TRIM49C: variants seen among roughly 807,000 people sequenced by gnomAD.
TRIM49C encodes the protein tripartite motif containing 49C.
A neutral mutation model predicts 21.4 loss-of-function variants in TRIM49C; 6 were observed. The ratio of observed to expected loss-of-function variants is 0.28; its 90% CI spans 0.15 to 0.55. TRIM49C has a LOEUF of 0.55. Among genes scored for constraint, TRIM49C ranks in the 20% least tolerant of loss-of-function variants. TRIM49C has a pLI of 0.94. For missense variants in TRIM49C, 161 were observed against 442.4 expected (o/e 0.36, Z 5.71); for synonymous variants, 57 against 148.1 (o/e 0.38, Z 4.47).
rs1341187422 is a variant in TRIM49C at position 90,041,392 on chromosome 11, T to C, written c.1201T>C (p.Tyr401His). The C allele has an allele frequency of 6.3e-7, 1 of 1,586,652 alleles. No homozygotes were observed. Among genetic ancestry groups the C allele is most frequent in the Non-Finnish European group, 8.6e-7 (1 of 1,163,510 alleles). ...TACCACCTCCCCACTTATGCTGCAA[T>C]ATATCCCAAAACCTACCAGCCGAGT... ...LFTTSPLMLQ[Y>H]IPKPTSRVGL... The change falls in exon 8 of 8, where the codon TAT becomes CAT. Residue 401 changes from tyrosine (Y) to histidine (H), a missense_variant. Coordinates refer to ENST00000448984, the MANE Select transcript of TRIM49C (RefSeq NM_001195234.1).
intron 7 of TRIM49C, among the ~76,000 whole-genome samples, chr11:90,040,849 C>CGA (rs1950762054): frequency 7.5e-6 from 1 of 132,564 alleles, no homozygotes; most frequent in African/African-American, 2.7e-5. Flanking sequence ...TGTAAGTTTT[C>CGA]AAAAAAAAAA....
chr11:90,056,149 A>T, the TRIM49C span, among the ~76,000 whole-genome samples: 2 of 134,834 alleles, frequency 1.5e-5, no homozygotes, highest in African/African-American at 2.6e-5. Flanking sequence ...TTTAGTAGAG[A>T]CGGGGTTTCA....
At chr11:90,054,447 CAG>C in the TRIM49C span, among the ~76,000 whole-genome samples, 3 of 137,696 alleles carry the variant, frequency 2.2e-5, 1 homozygote, top group South Asian at 7.4e-4. Context: ...TTCACTGAGG[CAG>C]AGTCTCACTC....
At chr11:90,052,038 G>A in the TRIM49C span, 6 of 670,078 alleles carry the variant, frequency 9.0e-6, no homozygotes, top group Non-Finnish European at 9.1e-6. Context: ...CCTTGCTGAG[G>A]CGGACCCGGG....
At chr11:90,056,475 C>T in the TRIM49C span, among the ~76,000 whole-genome samples, 1 of 95,748 alleles carries the variant, frequency 1.0e-5, no homozygotes, top group Non-Finnish European at 2.1e-5. Flanking sequence ...TTGAAATCAA[C>T]CCTATAAAAA....
At chr11:90,066,756 A>C in the TRIM49C span, among the ~76,000 whole-genome samples, 119 of 131,614 alleles carry the variant, frequency 9.0e-4, 4 homozygotes, top group East Asian at 0.028. Context: ...TTATTTACAC[A>C]ATAATAATAA....
intron 4 of TRIM49C, among the ~76,000 whole-genome samples, chr11:90,036,578 TA>T (rs1950728814): frequency 7.5e-6 from 1 of 133,272 alleles, no homozygotes; most frequent in African/African-American, 2.7e-5. Context: ...AACTAGTATC[TA>T]AACATAAGGA....
chr11:90,067,440 T>A, the TRIM49C span, among the ~76,000 whole-genome samples: 1 of 148,122 alleles, frequency 6.8e-6, no homozygotes, highest in Non-Finnish European at 1.5e-5. Flanking sequence ...TAAAATACAC[T>A]ATCACTATGG....
chr11:90,070,798 C>G, the TRIM49C span, among the ~76,000 whole-genome samples: 29 of 141,558 alleles, frequency 2.0e-4, no homozygotes, highest in African/African-American at 6.8e-4. Context: ...TTCTTTGATT[C>G]TTTGTTTGTT....
chr11:90,071,631 T>G, the TRIM49C span: 3 of 894,210 alleles, frequency 3.4e-6, 1 homozygote, highest in Admixed American at 8.3e-5. Context: ...AAGCATTTTC[T>G]GTTGGAATCT....
At chr11:90,070,449 G>A in the TRIM49C span, among the ~76,000 whole-genome samples, 3 of 132,636 alleles carry the variant, frequency 2.3e-5, no homozygotes, top group Non-Finnish European at 3.2e-5. Context: ...GGTGGTTCTC[G>A]AAGAACTCTT....
chr11:90,055,058 C>A, the TRIM49C span, among the ~76,000 whole-genome samples: 1 of 147,590 alleles, frequency 6.8e-6, no homozygotes, highest in African/African-American at 2.5e-5. Context: ...TGGGTTGGAG[C>A]CCTAAGGTGA....
At chr11:90,039,053 G>A (rs1290246713) in intron 6 of TRIM49C, among the ~76,000 whole-genome samples, 2 of 135,322 alleles carry the variant, frequency 1.5e-5, no homozygotes, top group Non-Finnish European at 3.2e-5. Flanking sequence ...CCGAGTACCC[G>A]GGACTACAGG....
the TRIM49C span, among the ~76,000 whole-genome samples, chr11:90,072,369 A>T: frequency 2.9e-4 from 43 of 149,068 alleles, 2 homozygotes; most frequent in African/African-American, 9.7e-4. Context: ...CAGATAAAAG[A>T]TGTCTGTGCC....
At chr11:90,031,694 G>A (rs1950688905) in intron 1 of TRIM49C, among the ~76,000 whole-genome samples, 1 of 151,322 alleles carries the variant, frequency 6.6e-6, no homozygotes, top group Admixed American at 6.6e-5. Flanking sequence ...GTGAAGTTTT[G>A]TAAATTCAAT....
At chr11:90,049,732 TC>T in the TRIM49C span, among the ~76,000 whole-genome samples, 1 of 111,654 alleles carries the variant, frequency 9.0e-6, no homozygotes, top group Admixed American at 1.1e-4. Context: ...TCATCCTCCT[TC>T]AGCTCATGCT....
At chr11:90,048,638 T>C in the TRIM49C span, among the ~76,000 whole-genome samples, 1 of 134,628 alleles carries the variant, frequency 7.4e-6, no homozygotes, top group Non-Finnish European at 1.6e-5. Context: ...AGGACTTCTC[T>C]ACCTTGGTTA....
the TRIM49C span, among the ~76,000 whole-genome samples, chr11:90,069,154 G>T: frequency 7.5e-6 from 1 of 133,052 alleles, no homozygotes; most frequent in Non-Finnish European, 1.6e-5. Context: ...ACCCAGGCTG[G>T]AGTGCAGTGG....
chr11:90,069,380 G>T, the TRIM49C span, among the ~76,000 whole-genome samples: 1 of 130,420 alleles, frequency 7.7e-6, no homozygotes, highest in Non-Finnish European at 1.6e-5. Context: ...CCAAAAAAGT[G>T]CTGGGATTAC....
Sources: gnomAD v4.1 joint callset for allele counts (sites outside exome capture counted in the v4.1 genomes callset) on GRCh38, gnomAD v4.1.1 for gene constraint, MANE v1.5 for transcripts, NCBI Gene and HGNC (gene_info 2026-07-23, HGNC 2026-07-21) for gene names.